LRGUK: variants seen among roughly 807,000 people sequenced by gnomAD.
The protein encoded by LRGUK is leucine-rich repeat and guanylate kinase domain-containing protein.
A neutral mutation model predicts 76.0 loss-of-function variants in LRGUK; 65 were observed. The ratio of observed to expected loss-of-function variants is 0.85; its 90% CI spans 0.70 to 1.05. The LOEUF is 1.05. Ranked by LOEUF, LRGUK falls within the 50% of genes least tolerant of loss-of-function variation. The probability of loss-of-function intolerance (pLI) is 0.00; values close to 1 mark genes in which losing one functional copy is unlikely to be tolerated. For missense variants in LRGUK, 758 were observed against 732.8 expected, an observed-to-expected ratio of 1.03 and a Z score of -0.40; for synonymous variants, 268 against 265.6, an observed-to-expected ratio of 1.01 and a Z score of -0.09.
At chr7:134,141,622 AGCT>A in intron 3 of LRGUK, 1 of 152,202 alleles carries the variant, frequency 6.6e-6, no homozygotes. Context: ...GCTAAGTACT[AGCT>A]GCTGCTTCTG....
At chr7:134,226,994 C>A (rs1801779750) in intron 16 of LRGUK, among the ~76,000 whole-genome samples, 1 of 151,988 alleles carries the variant, frequency 6.6e-6, no homozygotes. Flanking sequence ...TAAAGGCAGA[C>A]CTGGTAATTC....
intron 15 of LRGUK, among the ~76,000 whole-genome samples, chr7:134,202,997 G>T (rs1800845346): frequency 1.3e-5 from 2 of 152,184 alleles, no homozygotes. Context: ...GAGGTCAGGA[G>T]ATAGAGATCA....
intron 12 of LRGUK, among the ~76,000 whole-genome samples, chr7:134,193,827 C>T (rs748290909): frequency 6.6e-6 from 1 of 152,106 alleles, no homozygotes; most frequent in Non-Finnish European, 1.5e-5. Flanking sequence ...CGCCATCCTC[C>T]ATTACAGCAG....
chr7:134,212,252 T>C (rs2117132003), downstream of LRGUK, among the ~76,000 whole-genome samples: 1 of 152,342 alleles, frequency 6.6e-6, no homozygotes, highest in Non-Finnish European at 1.5e-5. Flanking sequence ...CTATTGAACC[T>C]ACTCCTATGT....
intron 7 of LRGUK, among the ~76,000 whole-genome samples, chr7:134,174,107 CAAAA>C (rs112357506): frequency 3.7e-5 from 3 of 80,688 alleles, no homozygotes; most frequent in African/African-American, 4.3e-5. Context: ...GACTCCATCG[CAAAA>C]AAAAAAAAAA....
intron 4 of LRGUK, among the ~76,000 whole-genome samples, chr7:134,147,429 C>T (rs55980630): frequency 0.13 from 18,008 of 136,316 alleles, 1,396 homozygotes; most frequent in East Asian, 0.34. Context: ...AGCGAGACTC[C>T]ACCTCAAAAA....
intron 3 of LRGUK, among the ~76,000 whole-genome samples, 178 bp from the exon 4 acceptor site, chr7:134,142,884 T>A (rs555020622): frequency 1.3e-5 from 2 of 152,020 alleles, no homozygotes; most frequent in Admixed American, 1.3e-4. Context: ...GTTTTCTACC[T>A]TTTTTTTGTA....
chr7:134,201,386 T>C, intron 14 of LRGUK, 95 bp from the exon 15 acceptor site: 1 of 929,844 alleles, frequency 1.1e-6, no homozygotes, highest in Non-Finnish European at 1.7e-6. Context: ...ATATATAAAA[T>C]TAAATGCAGT....
chr7:134,171,376 T>C (rs1459042074), intron 7 of LRGUK, among the ~76,000 whole-genome samples: 1 of 151,822 alleles, frequency 6.6e-6, no homozygotes, highest in Non-Finnish European at 1.5e-5. Context: ...ACCCAATTGT[T>C]TTCTAAGACG....
chr7:134,228,828 A>G (rs1801822798), intron 16 of LRGUK, among the ~76,000 whole-genome samples: 1 of 152,156 alleles, frequency 6.6e-6, no homozygotes, highest in South Asian at 2.1e-4. Flanking sequence ...TTTAATCTCT[A>G]GGATGATACT....
chr7:134,217,767 T>C (rs1207560256), intron 15 of LRGUK, among the ~76,000 whole-genome samples: 1 of 152,202 alleles, frequency 6.6e-6, no homozygotes, highest in Non-Finnish European at 1.5e-5. Flanking sequence ...TAAAATTCAA[T>C]AGCAGATTAT....
At chr7:134,246,586 T>C (rs2544172) in intron 16 of LRGUK, among the ~76,000 whole-genome samples, 72,946 of 152,142 alleles carry the variant, frequency 0.48, 17,800 homozygotes, top group South Asian at 0.57. Flanking sequence ...TTCCCTTGCA[T>C]GCTTGTTTGT....
At chr7:134,214,276 G>A (rs879430709), downstream of LRGUK, among the ~76,000 whole-genome samples, 2 of 151,976 alleles carry the variant, frequency 1.3e-5, no homozygotes, top group African/African-American at 2.4e-5. Flanking sequence ...TATTGTTGGC[G>A]AGGCTGTGGG....
intron 11 of LRGUK, among the ~76,000 whole-genome samples, chr7:134,190,946 T>TAAGCAGTTCTGGGGATAGACAGGA (rs71172441): frequency 1.3e-5 from 2 of 151,320 alleles, no homozygotes; most frequent in East Asian, 1.9e-4. Context: ...AGTTGAGCGG[T>TAAGCAGTTCTGGGGATAGACAGGA]GTGGTGGGAT....
chr7:134,257,537 G>A (rs1260244720), intron 18 of LRGUK, among the ~76,000 whole-genome samples: 1 of 152,198 alleles, frequency 6.6e-6, no homozygotes, highest in African/African-American at 2.4e-5. Context: ...GGGGCATGGT[G>A]GCTTACACTT....
At chr7:134,228,179 A>G (rs2117168402) in intron 16 of LRGUK, among the ~76,000 whole-genome samples, 1 of 152,330 alleles carries the variant, frequency 6.6e-6, no homozygotes, top group Non-Finnish European at 1.5e-5. Flanking sequence ...AAAAGAACTC[A>G]TGAAAGCCAG....
intron 16 of LRGUK, among the ~76,000 whole-genome samples, chr7:134,241,021 C>T (rs1563197019): frequency 6.6e-6 from 1 of 152,146 alleles, no homozygotes; most frequent in Non-Finnish European, 1.5e-5. Context: ...TTTGTCACCA[C>T]CAGGCCTACC....
At chr7:134,179,504 C>T (rs530922768) in intron 10 of LRGUK, among the ~76,000 whole-genome samples, 27 of 152,110 alleles carry the variant, frequency 1.8e-4, no homozygotes, top group South Asian at 4.2e-4. Context: ...ATAATGTAGA[C>T]GTTGACAGTT....
chr7:134,128,572 A>T (rs1797131295), intron 1 of LRGUK, among the ~76,000 whole-genome samples: 1 of 152,094 alleles, frequency 6.6e-6, no homozygotes, highest in Non-Finnish European at 1.5e-5. Flanking sequence ...TGTTTTTGAG[A>T]TGGAGTCTGG....
Sources: allele counts gnomAD v4.1 joint callset (sites outside exome capture counted in the v4.1 genomes callset), GRCh38; gene constraint gnomAD v4.1.1; transcripts MANE v1.5; gene names NCBI Gene and HGNC (gene_info 2026-07-23, HGNC 2026-07-21).